The following NEK11 variants were observed in gnomAD, a reference collection of about 807,000 sequenced individuals.
NEK11 encodes NIMA related kinase 11.
NEK11 carries 72 observed loss-of-function variants against 80.7 expected under a neutral mutation model. That is an observed-to-expected ratio of 0.89 (90% CI 0.74 to 1.08). The LOEUF (loss-of-function observed/expected upper bound fraction) is 1.08, where lower values mean the gene tolerates loss of function less well. Ranked by LOEUF, NEK11 falls within the 50% of genes least tolerant of loss-of-function variation. The pLI, the probability that NEK11 is intolerant of heterozygous loss-of-function variation, is 0.00. For synonymous variants in NEK11, 251 were observed against 260.7 expected, an observed-to-expected ratio of 0.96 and a Z score of 0.36; for missense variants, 764 against 763.6, an observed-to-expected ratio of 1.00 and a Z score of -0.01.
intron 14 of NEK11, among the ~76,000 whole-genome samples, chr3:131,204,465 C>T (rs2094379993): frequency 6.6e-6 from 1 of 152,008 alleles, no homozygotes; most frequent in Non-Finnish European, 1.5e-5. Flanking sequence ...ACTGAGCTCT[C>T]AACCTGTGAG....
At position 131,264,367 on chromosome 3, in the gene NEK11, C is replaced by T. The variant is rs527369017; in HGVS notation, c.1622-9111C>T. The stretch of plus-strand genomic sequence containing the variant: ...TTAGGTCTAACATTTAAGTCTTTAA[C>T]CCATCTTGAATTAATTTTTGTATAA... On this transcript the variant is annotated intron_variant, in intron 16 of 17. Transcript: ENST00000383366. 4.3e-4 allele frequency among the ~76,000 whole-genome samples: 66 copies of T among 152,158 alleles called. 2 individuals carry two copies. In the South Asian group the frequency reaches 0.013, roughly 30 times the overall value.
In NEK11 at chr3:131,349,570, A is replaced by C; in HGVS notation, c.1732A>C (p.Lys578Gln). The change falls in exon 18 of 18, where the codon AAG becomes CAG. Residue 578 changes from lysine to glutamine, a missense_variant. Lys to Gln is a moderately conservative substitution (Grantham distance 53, BLOSUM62 1). Transcript: ENST00000383366. Reference sequence around the variant, plus strand: ...CTTTTTTGACAGATCAGCCATGCAGAAGCTGGGGACAGAAGTATTTGAAGA... The same window carrying C: ...CTTTTTTGACAGATCAGCCATGCAGCAGCTGGGGACAGAAGTATTTGAAGA... Reference protein sequence around the residue: ...MKRMRESAMQKLGTEVFEEVY... With the variant: ...MKRMRESAMQQLGTEVFEEVY... 1 of 1,613,954 alleles carries C rather than the reference A, an allele frequency of 6.2e-7. No homozygotes were observed. The highest frequency in any genetic ancestry group is 8.5e-7 in the Non-Finnish European group (1 of 1,179,890).
chr3:131,278,987 T>A (rs1484532669), intron 17 of NEK11, among the ~76,000 whole-genome samples: 1 of 152,092 alleles, frequency 6.6e-6, no homozygotes, highest in African/African-American at 2.4e-5. Flanking sequence ...TACCAGAATG[T>A]GAGTTGGAAT....
intron 15 of NEK11, among the ~76,000 whole-genome samples, chr3:131,242,080 A>G (rs2095527937): frequency 6.6e-6 from 1 of 152,062 alleles, no homozygotes; most frequent in African/African-American, 2.4e-5. Context: ...ATCTGACTGG[A>G]CCTTTTGAGA....
intron 10 of NEK11, among the ~76,000 whole-genome samples, chr3:131,159,015 G>A (rs2091160416): frequency 6.6e-6 from 1 of 152,210 alleles, no homozygotes; most frequent in South Asian, 2.1e-4. Context: ...CAGCCCAGGA[G>A]CTGGGAGCTG....
rs1460691903 is a variant in NEK11 at position 131,255,974 on chromosome 3, C to T, written c.1621+12478C>T. Among the ~76,000 whole-genome samples the T allele has an allele frequency of 2.0e-5, 3 of 152,282 alleles. No homozygotes were observed. The East Asian group carries it at 5.8e-4, about 30-fold the overall frequency. On this transcript the variant is annotated intron_variant, in intron 16 of 17. Transcript: ENST00000383366. ...CTGCAGAATAGAGTTCTCCAAACCT[C>T]TTGTGGTTCTGAGGGCTGTCCAATT...
chr3:131,125,124 T>C (rs1228432917), intron 5 of NEK11, among the ~76,000 whole-genome samples: 1 of 152,234 alleles, frequency 6.6e-6, no homozygotes, highest in Non-Finnish European at 1.5e-5. Flanking sequence ...CTAAAGATTA[T>C]TTGAATTAGG....
chr3:131,292,244 A>G (rs1289888204), intron 17 of NEK11, among the ~76,000 whole-genome samples: 1 of 152,086 alleles, frequency 6.6e-6, no homozygotes, highest in East Asian at 1.9e-4. Flanking sequence ...ATGTGGGTCT[A>G]TTTCTGGACT....
At chr3:131,222,489 G>C (rs1210130644) in intron 14 of NEK11, among the ~76,000 whole-genome samples, 2 of 152,172 alleles carry the variant, frequency 1.3e-5, no homozygotes, top group Non-Finnish European at 2.9e-5. Flanking sequence ...AACAAAATGG[G>C]AGTAGTTGAA....
At chr3:131,282,917 A>G (rs534271020) in intron 17 of NEK11, among the ~76,000 whole-genome samples, 1 of 152,344 alleles carries the variant, frequency 6.6e-6, no homozygotes, top group South Asian at 2.1e-4. Context: ...GACCAAAGCC[A>G]TAGCAATGTT....
rs142498100 is a variant in NEK11, at chr3:131,158,739, T to C, written c.962+3618T>C. ...AATGCCCACAGGGAGACAGGCACCC[T>C]GACACCTGCTAGCACCCTTCCACAG... On this transcript the variant is annotated intron_variant, in intron 10 of 17. Coordinates refer to ENST00000383366, the MANE Select transcript of NEK11 (RefSeq NM_024800.5). 4.6e-3 allele frequency among the ~76,000 whole-genome samples: 708 copies of C among 152,302 alleles called. 4 individuals are homozygous for C. The highest frequency in any genetic ancestry group is 0.015 in the African/African-American group (643 of 41,570).
At chr3:131,251,156 A>G (rs2108284091) in intron 16 of NEK11, among the ~76,000 whole-genome samples, 1 of 151,914 alleles carries the variant, frequency 6.6e-6, no homozygotes, top group East Asian at 1.9e-4. Context: ...AGTTTAAAAA[A>G]AATAGTTGTA....
intron 14 of NEK11, among the ~76,000 whole-genome samples, chr3:131,209,429 T>G (rs578043317): frequency 6.6e-6 from 1 of 152,354 alleles, no homozygotes; most frequent in South Asian, 2.1e-4. Context: ...AATATTGGTC[T>G]AAAATTCTCT....
At chr3:131,201,214 T>A (rs1343247050) in intron 14 of NEK11, among the ~76,000 whole-genome samples, 1 of 147,890 alleles carries the variant, frequency 6.8e-6, no homozygotes, top group African/African-American at 2.5e-5. Context: ...TATACTTTCA[T>A]ATATATATAT....
intron 7 of NEK11, among the ~76,000 whole-genome samples, chr3:131,135,273 A>G (rs2085343349): frequency 6.6e-6 from 1 of 152,026 alleles, no homozygotes; most frequent in Non-Finnish European, 1.5e-5. Context: ...GTTCATTTCT[A>G]AATTATTCAC....
intron 4 of NEK11, among the ~76,000 whole-genome samples, chr3:131,101,041 T>G (rs1253354470): frequency 6.6e-6 from 1 of 152,162 alleles, no homozygotes; most frequent in Admixed American, 6.5e-5. Context: ...GGTCGTAGTA[T>G]TCTCTGAGGA....
intron 3 of NEK11, among the ~76,000 whole-genome samples, chr3:131,048,666 G>A (rs935153040): frequency 6.6e-6 from 1 of 152,108 alleles, no homozygotes; most frequent in Non-Finnish European, 1.5e-5. Flanking sequence ...GCAGCAATCC[G>A]CTTCCTTCAA....
At chr3:131,182,262 TA>T (rs1259633616) in intron 14 of NEK11, among the ~76,000 whole-genome samples, 1 of 152,166 alleles carries the variant, frequency 6.6e-6, no homozygotes, top group African/African-American at 2.4e-5. Context: ...CTCTTGCTTC[TA>T]AAAAACTCAA....
chr3:131,105,899 T>A (rs2079103074), intron 4 of NEK11, among the ~76,000 whole-genome samples: 1 of 152,178 alleles, frequency 6.6e-6, no homozygotes, highest in African/African-American at 2.4e-5. Flanking sequence ...CAAAAATTAT[T>A]CTCTTTTTGT....
Sources: gnomAD v4.1 joint callset for allele counts (sites outside exome capture counted in the v4.1 genomes callset) on GRCh38, gnomAD v4.1.1 for gene constraint, MANE v1.5 for transcripts, NCBI Gene and HGNC (gene_info 2026-07-23, HGNC 2026-07-21) for gene names.